Variants in GPHN observed in about 807,000 individuals in gnomAD.
GPHN encodes the protein gephyrin.
In GPHN, 17 loss-of-function variants were observed where a neutral mutation model predicts 95.5. The observed-to-expected ratio is 0.18, with a 90% CI of 0.12 to 0.27. The LOEUF is 0.27. Ranked by LOEUF, GPHN falls within the 10% of genes least tolerant of loss-of-function variation. GPHN has a pLI of 1.00. For synonymous variants in GPHN, 320 were observed against 322.5 expected (o/e 0.99, Z 0.08); for missense variants, 660 against 978.1 (o/e 0.67, Z 4.34).
At chr14:67,593,713 G>T in the GPHN span, 2 of 1,360,442 alleles carry the variant, frequency 1.5e-6, no homozygotes, top group East Asian at 2.3e-5. Context: ...CTCCAGAGAG[G>T]CCTGTAATAC....
At chr14:67,159,322 A>T in intron 18 of GPHN, 93 bp from the exon 19 acceptor site, 1 of 824,524 alleles carries the variant, frequency 1.2e-6, no homozygotes, top group Non-Finnish European at 2.1e-6. Context: ...GTTTCTTTTC[A>T]TTTCAATCTT....
chr14:66,920,387 T>C (rs932653989), intron 6 of GPHN, among the ~76,000 whole-genome samples: 1 of 152,130 alleles, frequency 6.6e-6, no homozygotes, highest in African/African-American at 2.4e-5. Context: ...TGTGTCACCC[T>C]GGCTGGAATG....
chr14:67,446,537 C>A, the GPHN span, among the ~76,000 whole-genome samples: 2 of 152,178 alleles, frequency 1.3e-5, no homozygotes, highest in African/African-American at 4.8e-5. Flanking sequence ...AGAAGGGTGT[C>A]CTGCCAAGCA....
chr14:66,847,036 A>G (rs1484477669), intron 4 of GPHN, among the ~76,000 whole-genome samples: 3 of 152,128 alleles, frequency 2.0e-5, no homozygotes, highest in African/African-American at 7.2e-5. Flanking sequence ...TGCTCCCTAT[A>G]CTGATTTGTG....
the GPHN span, chr14:67,541,843 G>T: frequency 6.4e-7 from 1 of 1,573,154 alleles, no homozygotes; most frequent in East Asian, 2.3e-5. Flanking sequence ...GGGCTCCCCA[G>T]AATAATCCAG....
chr14:67,735,161 A>C, the GPHN span: 1 of 1,006,348 alleles, frequency 9.9e-7, no homozygotes, highest in African/African-American at 1.6e-5. Context: ...TGGCATTTTC[A>C]GAATATTAAG....
At chr14:67,370,440 T>A in the GPHN span, among the ~76,000 whole-genome samples, 69 of 152,204 alleles carry the variant, frequency 4.5e-4, no homozygotes, top group East Asian at 4.6e-3. Flanking sequence ...TTTGTTTTTT[T>A]AAAAAAGAGC....
chr14:66,955,806 T>A (rs10873198), intron 8 of GPHN, among the ~76,000 whole-genome samples: 3 of 152,036 alleles, frequency 2.0e-5, no homozygotes, highest in Non-Finnish European at 4.4e-5. Flanking sequence ...CATGCGGTGT[T>A]TGGATTTTTG....
chr14:67,338,649 T>C, the GPHN span: 1 of 1,614,122 alleles, frequency 6.2e-7, no homozygotes, highest in Non-Finnish European at 8.5e-7. Flanking sequence ...CTCGTCCTTC[T>C]CTTCAGCCAG....
the GPHN span, among the ~76,000 whole-genome samples, chr14:67,390,122 A>G: frequency 6.6e-6 from 1 of 152,252 alleles, no homozygotes; most frequent in Admixed American, 6.5e-5. Context: ...AATTAGATCC[A>G]CTTAGCATGT....
chr14:66,803,984 T>A (rs1286949927), intron 3 of GPHN, among the ~76,000 whole-genome samples: 1 of 151,662 alleles, frequency 6.6e-6, no homozygotes, highest in African/African-American at 2.4e-5. Context: ...GCTGTAAACT[T>A]TCAATGCATC....
At chr14:67,542,131 T>C in the GPHN span, 4 of 842,278 alleles carry the variant, frequency 4.7e-6, no homozygotes, top group Non-Finnish European at 7.0e-6. Flanking sequence ...AAACCCAAGG[T>C]AGTTTAAGAC....
At chr14:67,647,806 AGTCT>A in the GPHN span, 14 of 493,684 alleles carry the variant, frequency 2.8e-5, no homozygotes, top group Non-Finnish European at 4.7e-5. Context: ...CATTGGAGTT[AGTCT>A]GTCTGAGGTA....
At chr14:67,556,525 TG>T in the GPHN span, among the ~76,000 whole-genome samples, 2 of 152,174 alleles carry the variant, frequency 1.3e-5, no homozygotes, top group African/African-American at 2.4e-5. Context: ...GCAGTCCTCC[TG>T]CCTCAACCTC....
At chr14:67,109,200 CA>C (rs1169015690) in intron 13 of GPHN, among the ~76,000 whole-genome samples, 2 of 152,180 alleles carry the variant, frequency 1.3e-5, no homozygotes, top group Admixed American at 1.3e-4. Flanking sequence ...CAACATTGAG[CA>C]AACTATCCTT....
chr14:67,725,920 T>G, the GPHN span: 15 of 752,248 alleles, frequency 2.0e-5, no homozygotes, highest in African/African-American at 2.6e-4. Flanking sequence ...GCAGAGCAAG[T>G]GACTCCTATC....
the GPHN span, among the ~76,000 whole-genome samples, chr14:67,286,019 C>T: frequency 9.2e-5 from 14 of 152,110 alleles, no homozygotes; most frequent in Admixed American, 9.2e-4. Context: ...AAGATGGGAG[C>T]TTAATTTCTA....
chr14:67,508,185 G>A, the GPHN span, among the ~76,000 whole-genome samples: 1 of 150,710 alleles, frequency 6.6e-6, no homozygotes, highest in Admixed American at 6.6e-5. Flanking sequence ...TTCTTGAGAA[G>A]GGACTTCCTC....
At chr14:66,970,495 A>G (rs1368558981) in intron 9 of GPHN, among the ~76,000 whole-genome samples, 1 of 151,984 alleles carries the variant, frequency 6.6e-6, no homozygotes, top group East Asian at 1.9e-4. Context: ...TATTGTCACT[A>G]TTTTCCTTTG....
Sources: gnomAD v4.1 joint callset for allele counts (sites outside exome capture counted in the v4.1 genomes callset) on GRCh38, gnomAD v4.1.1 for gene constraint, MANE v1.5 for transcripts, NCBI Gene and HGNC (gene_info 2026-07-23, HGNC 2026-07-21) for gene names.